Variants in ESRRG observed in about 807,000 individuals in gnomAD.
The protein encoded by ESRRG is estrogen related receptor gamma.
In ESRRG, 13 loss-of-function variants were observed where a neutral mutation model predicts 44.0. The observed-to-expected ratio is 0.30, with a 90% CI of 0.19 to 0.47. The LOEUF is 0.47. Among genes scored for constraint, ESRRG ranks in the 20% least tolerant of loss-of-function variants. ESRRG has a pLI of 1.00. For synonymous variants in ESRRG, 215 were observed against 214.6 expected (o/e 1.00, Z -0.02); for missense variants, 395 against 580.6 (o/e 0.68, Z 3.29).
At chr1:216,776,326 C>T (rs182244264) in intron 2 of ESRRG, among the ~76,000 whole-genome samples, 1 of 152,152 alleles carries the variant, frequency 6.6e-6, no homozygotes, top group East Asian at 1.9e-4. Context: ...ACACATTTTC[C>T]CTGACTTAAC....
Position 217,102,021 on chromosome 1 carries a change from G to C in ESRRG, c.-230+35646C>G, listed in dbSNP as rs570346314. On this transcript the variant is annotated intron_variant, in intron 1 of 8. Coordinates refer to the ESRRG transcript ENST00000366940. ...GGGTGTCTCCATGTTAGTCAGACTG[G>C]TCTCGAATTCCCGACCTCAGGTGAT... is the stretch of plus-strand genomic sequence containing the variant. Among the ~76,000 whole-genome samples the C allele has an allele frequency of 9.2e-5, 14 of 152,242 alleles. No homozygotes were observed. In the East Asian group the frequency reaches 2.1e-3, roughly 23 times the overall value.
At chr1:216,824,864 A>T (rs535872939) in intron 2 of ESRRG, among the ~76,000 whole-genome samples, 1 of 152,348 alleles carries the variant, frequency 6.6e-6, no homozygotes, top group Admixed American at 6.5e-5. Context: ...CATGAACCAC[A>T]TTGAGTTTGC....
intron 2 of ESRRG, among the ~76,000 whole-genome samples, chr1:216,733,769 T>C (rs1398561043): frequency 1.3e-5 from 2 of 151,920 alleles, no homozygotes; most frequent in Non-Finnish European, 2.9e-5. Context: ...GGGGGGCGGA[T>C]CACCTGAAGT....
In ESRRG at chr1:216,686,661, G is replaced by A. The variant is rs116829155; in HGVS notation, c.57-9170C>T. Among the ~76,000 whole-genome samples, 1,117 of 152,022 alleles carry A rather than the reference G, an allele frequency of 7.3e-3. 23 individuals carry two copies. The highest frequency in any genetic ancestry group is 0.025 in the African/African-American group (1,045 of 41,468). On this transcript the variant is annotated intron_variant, in intron 1 of 6. Transcript: ENST00000408911. ...AAAAGACTATACCAGGGTTTCTGCC[G>A]CTTGCTTTTCTTCTCTTCTCCTTTC...
chr1:217,023,453 A>T (rs143933404), intron 1 of ESRRG, among the ~76,000 whole-genome samples: 5 of 152,284 alleles, frequency 3.3e-5, no homozygotes, highest in African/African-American at 1.2e-4. Flanking sequence ...TTGATGTGCC[A>T]CGAAGCCAAT....
At chr1:216,514,388 G>C (rs947250949) in intron 6 of ESRRG, among the ~76,000 whole-genome samples, 22 of 151,892 alleles carry the variant, frequency 1.4e-4, no homozygotes, top group African/African-American at 5.3e-4. Context: ...GTAAAAATTA[G>C]GAACAAAGCT....
At chr1:216,547,428 A>T (rs954627762) in intron 5 of ESRRG, among the ~76,000 whole-genome samples, 1 of 152,082 alleles carries the variant, frequency 6.6e-6, no homozygotes, top group Non-Finnish European at 1.5e-5. Flanking sequence ...GCTAACAAAA[A>T]AGTCTCAATT....
At chr1:216,978,038 G>T (rs1169158916) in intron 1 of ESRRG, among the ~76,000 whole-genome samples, 5 of 152,090 alleles carry the variant, frequency 3.3e-5, no homozygotes, top group Non-Finnish European at 5.9e-5. Context: ...AGAATTGTGA[G>T]AAATGAATTT....
chr1:216,780,403 G>T (rs2093887816), intron 2 of ESRRG, among the ~76,000 whole-genome samples: 1 of 151,998 alleles, frequency 6.6e-6, no homozygotes, highest in Non-Finnish European at 1.5e-5. Context: ...AATGCCTGGA[G>T]ATTTTTTAAG....
chr1:217,054,910 T>C (rs2086782122), intron 1 of ESRRG, among the ~76,000 whole-genome samples: 1 of 152,168 alleles, frequency 6.6e-6, no homozygotes, highest in Admixed American at 6.6e-5. Flanking sequence ...TTTATAGAAC[T>C]CACTGCAGAC....
At chr1:216,830,592 A>T (rs2095472258) in intron 2 of ESRRG, among the ~76,000 whole-genome samples, 1 of 152,114 alleles carries the variant, frequency 6.6e-6, no homozygotes, top group African/African-American at 2.4e-5. Context: ...GAAGCCTCAG[A>T]AACTGCAGGT....
chr1:216,761,136 G>C (rs1321056720), intron 2 of ESRRG, among the ~76,000 whole-genome samples: 2 of 150,896 alleles, frequency 1.3e-5, no homozygotes, highest in African/African-American at 4.9e-5. Flanking sequence ...ATTGAGATTT[G>C]CTTCCTGATA....
intron 1 of ESRRG, among the ~76,000 whole-genome samples, chr1:216,712,618 G>A (rs991644511): frequency 6.6e-5 from 10 of 152,206 alleles, no homozygotes; most frequent in African/African-American, 2.4e-4. Flanking sequence ...CACTTCTGAA[G>A]AAAGTGAAGA....
chr1:217,060,788 CTAGA>C (rs61465430), intron 1 of ESRRG, among the ~76,000 whole-genome samples: 1,175 of 65,586 alleles, frequency 0.018, 16 homozygotes, highest in African/African-American at 0.043. Flanking sequence ...ATATTGAACA[CTAGA>C]TAGATAGATA....
At chr1:216,521,550 G>A (rs1219521773) in intron 5 of ESRRG, among the ~76,000 whole-genome samples, 1 of 152,128 alleles carries the variant, frequency 6.6e-6, no homozygotes, top group Non-Finnish European at 1.5e-5. Context: ...CCAAGTCGCA[G>A]TTTCTCTGCA....
chr1:216,668,173 A>T (rs1294994613), intron 2 of ESRRG, among the ~76,000 whole-genome samples: 1 of 152,236 alleles, frequency 6.6e-6, no homozygotes. Context: ...CTTCTTCCAG[A>T]TCACTGTGAA....
At chr1:216,966,742 T>A (rs1406321335) in intron 1 of ESRRG, among the ~76,000 whole-genome samples, 2 of 152,134 alleles carry the variant, frequency 1.3e-5, no homozygotes, top group African/African-American at 4.8e-5. Flanking sequence ...CCAGCCCAAG[T>A]TTTCCCTGTG....
In ESRRG at chr1:216,982,126, G is replaced by A. The variant is rs537970284; in HGVS notation, c.-105-42453C>T. Among the ~76,000 whole-genome samples, 6 of 152,228 alleles carry A rather than the reference G, an allele frequency of 3.9e-5. No individual in the cohort carries two copies. The South Asian group carries it at 1.2e-3, about 32-fold the overall frequency. ...GACTATTTTTTCCCTTTTTAAAGAT[G>A]GGTGATTTTTAAATGGAAAAATTTT... On this transcript the variant is annotated intron_variant, in intron 1 of 7. Coordinates refer to the ESRRG transcript ENST00000359162.
intron 2 of ESRRG, among the ~76,000 whole-genome samples, chr1:216,809,667 A>G (rs2094908547): frequency 1.3e-5 from 2 of 152,174 alleles, no homozygotes; most frequent in South Asian, 4.1e-4. Context: ...ACATGTGCAG[A>G]AAACAATACT....
Sources: gnomAD v4.1 joint callset for allele counts (sites outside exome capture counted in the v4.1 genomes callset) on GRCh38, gnomAD v4.1.1 for gene constraint, MANE v1.5 for transcripts, NCBI Gene and HGNC (gene_info 2026-07-23, HGNC 2026-07-21) for gene names.